SLC24A3: variants seen among roughly 807,000 people sequenced by gnomAD.
SLC24A3 encodes the protein solute carrier family 24 member 3, also known as sodium/potassium/calcium exchanger 3.
Under a neutral mutation model 75.8 loss-of-function variants are expected in SLC24A3, and 28 were observed. The ratio of observed to expected loss-of-function variants is 0.37; its 90% CI spans 0.27 to 0.51. SLC24A3 has a LOEUF of 0.51. Ranked by LOEUF, SLC24A3 falls within the 20% of genes least tolerant of loss-of-function variation. The pLI, the probability that SLC24A3 is intolerant of heterozygous loss-of-function variation, is 0.94. For synonymous variants in SLC24A3, 372 were observed against 334.1 expected (o/e 1.11, Z -1.24); for missense variants, 663 against 847.8 (o/e 0.78, Z 2.71).
chr20:19,592,207 G>A (rs1025825034), intron 6 of SLC24A3, among the ~76,000 whole-genome samples: 6 of 152,164 alleles, frequency 3.9e-5, no homozygotes, highest in African/African-American at 9.7e-5. Context: ...TTTCCCTGAC[G>A]AGCCATAATG....
At position 19,268,814 on chromosome 20, in the gene SLC24A3, T is replaced by C. The variant is rs1983242802; in HGVS notation, c.143-12145T>C. Among the ~76,000 whole-genome samples the C allele has an allele frequency of 4.6e-5, 7 of 152,360 alleles. No individual in the cohort carries two copies. The South Asian group carries it at 1.4e-3, about 32-fold the overall frequency. ...AAGGGGTTAAGGCTAGTTTTCAGTA[T>C]TGATGCTCCTTTCCATTCTTTTCTA... is the stretch of plus-strand genomic sequence containing the variant. On this transcript the variant is annotated intron_variant, in intron 1 of 16. Coordinates refer to ENST00000328041, the MANE Select transcript of SLC24A3 (RefSeq NM_020689.4).
intron 2 of SLC24A3, among the ~76,000 whole-genome samples, chr20:19,340,627 C>T (rs911650804): frequency 2.0e-5 from 3 of 152,148 alleles, no homozygotes; most frequent in African/African-American, 4.8e-5. Flanking sequence ...GAAGAGAGGC[C>T]ATTGACAAAA....
At chr20:19,386,307 CAG>C (rs1986272008) in intron 2 of SLC24A3, among the ~76,000 whole-genome samples, 1 of 152,124 alleles carries the variant, frequency 6.6e-6, no homozygotes, top group African/African-American at 2.4e-5. Context: ...TCAGTTCTAA[CAG>C]GGTTTTTTGG....
chr20:19,213,887 G>C (rs1260013051), intron 1 of SLC24A3, among the ~76,000 whole-genome samples: 1 of 152,184 alleles, frequency 6.6e-6, no homozygotes, highest in Non-Finnish European at 1.5e-5. Context: ...CCCGGCCGTG[G>C]AAGTGGCACG....
intron 3 of SLC24A3, among the ~76,000 whole-genome samples, chr20:19,560,047 C>T (rs6035375): frequency 1.3e-5 from 2 of 151,970 alleles, no homozygotes; most frequent in Admixed American, 6.6e-5. Context: ...TAATAATTGT[C>T]TCTCATGACA....
At chr20:19,246,798 TATCTCTATCTCC>T (rs1415141685) in intron 1 of SLC24A3, among the ~76,000 whole-genome samples, 3 of 152,228 alleles carry the variant, frequency 2.0e-5, no homozygotes, top group East Asian at 3.8e-4. Flanking sequence ...TCTCTATCTC[TATCTCTATCTCC>T]ATCTCTGTCT....
intron 1 of SLC24A3, among the ~76,000 whole-genome samples, chr20:19,220,935 G>A (rs150731070): frequency 1.3e-5 from 2 of 152,312 alleles, no homozygotes; most frequent in Admixed American, 6.5e-5. Context: ...TTTGCTGTTC[G>A]TCATTGAGGT....
intron 7 of SLC24A3, among the ~76,000 whole-genome samples, chr20:19,662,615 C>G (rs1385747007): frequency 1.3e-5 from 2 of 152,242 alleles, no homozygotes; most frequent in Non-Finnish European, 2.9e-5. Flanking sequence ...GCGGGTGCAA[C>G]TTGTTCTAGT....
At chr20:19,695,232 G>A (rs1448464763) in intron 13 of SLC24A3, among the ~76,000 whole-genome samples, 1 of 152,166 alleles carries the variant, frequency 6.6e-6, no homozygotes, top group African/African-American at 2.4e-5. Flanking sequence ...TCAGGGTTCC[G>A]GGTGTAGGTG....
intron 3 of SLC24A3, among the ~76,000 whole-genome samples, chr20:19,563,788 T>C (rs1355449301): frequency 6.6e-6 from 1 of 152,188 alleles, no homozygotes; most frequent in Non-Finnish European, 1.5e-5. Flanking sequence ...ATCTTGATAA[T>C]TTTAACCAGT....
At position 19,381,204 on chromosome 20, in the gene SLC24A3, C is replaced by T. The variant is rs189286463; in HGVS notation, c.271+100117C>T. ...TGTTTCAGTGAATGTTTATTGAACA[C>T]CCACAATACTATGCATTGTTATGGG... On this transcript the variant is annotated intron_variant, in intron 2 of 16. Coordinates refer to ENST00000328041, the MANE Select transcript of SLC24A3 (RefSeq NM_020689.4). Among the ~76,000 whole-genome samples, 19 of 152,260 alleles carry T rather than the reference C, an allele frequency of 1.2e-4. No individual in the cohort carries two copies. In the East Asian group the frequency reaches 3.5e-3, roughly 28 times the overall value.
chr20:19,443,784 C>T (rs1987334097), intron 2 of SLC24A3, among the ~76,000 whole-genome samples: 1 of 152,150 alleles, frequency 6.6e-6, no homozygotes, highest in Non-Finnish European at 1.5e-5. Context: ...GGTTTCTCAC[C>T]TTTACTTTTA....
chr20:19,443,805 C>T (rs962084585), intron 2 of SLC24A3, among the ~76,000 whole-genome samples: 1 of 152,174 alleles, frequency 6.6e-6, no homozygotes, highest in Non-Finnish European at 1.5e-5. Flanking sequence ...CTGTTAAACC[C>T]TCCCCATAAC....
chr20:19,470,810 C>G (rs966897441), intron 2 of SLC24A3, among the ~76,000 whole-genome samples: 2 of 152,190 alleles, frequency 1.3e-5, no homozygotes, highest in Non-Finnish European at 2.9e-5. Context: ...TGATGTGAAA[C>G]TCACGTAGAC....
intron 8 of SLC24A3, among the ~76,000 whole-genome samples, chr20:19,666,606 C>T (rs1443089120): frequency 6.6e-6 from 1 of 152,078 alleles, no homozygotes; most frequent in Non-Finnish European, 1.5e-5. Context: ...GACCATTAAT[C>T]CATTAAAGTT....
At chr20:19,702,465 G>A (rs2032884947) in intron 15 of SLC24A3, among the ~76,000 whole-genome samples, 1 of 152,128 alleles carries the variant, frequency 6.6e-6, no homozygotes, top group African/African-American at 2.4e-5. Context: ...TTGAAGTCAA[G>A]GGGGAAATGC....
At chr20:19,412,788 C>T (rs1443622730) in intron 2 of SLC24A3, among the ~76,000 whole-genome samples, 3 of 152,196 alleles carry the variant, frequency 2.0e-5, no homozygotes, top group African/African-American at 7.2e-5. Context: ...GCCTGAATCA[C>T]TTGGACTTCA....
chr20:19,358,542 C>T (rs1279195022), intron 2 of SLC24A3, among the ~76,000 whole-genome samples: 9 of 152,110 alleles, frequency 5.9e-5, no homozygotes, highest in African/African-American at 1.9e-4. Flanking sequence ...CCTTCCAGCA[C>T]CTAAAAAGTG....
intron 3 of SLC24A3, among the ~76,000 whole-genome samples, chr20:19,555,066 T>G (rs958849483): frequency 3.9e-5 from 6 of 152,202 alleles, no homozygotes; most frequent in African/African-American, 9.7e-5. Flanking sequence ...TCTTTGTGGT[T>G]TCGTAAAGCC....
Sources: gnomAD v4.1 joint callset for allele counts (sites outside exome capture counted in the v4.1 genomes callset) on GRCh38, gnomAD v4.1.1 for gene constraint, MANE v1.5 for transcripts, NCBI Gene and HGNC (gene_info 2026-07-23, HGNC 2026-07-21) for gene names.